Variants in RMST observed in about 807,000 individuals in gnomAD.
RMST encodes the protein long intergenic non-protein coding RNA 54.
intron 11 of RMST, among the ~76,000 whole-genome samples, chr12:97,550,291 C>A (rs1883218973): frequency 6.6e-6 from 1 of 152,156 alleles, no homozygotes; most frequent in Non-Finnish European, 1.5e-5. Flanking sequence ...ACTTGGGAGA[C>A]TGAGGCAGGA....
At chr12:97,511,433 G>A (rs1181021310) in intron 10 of RMST, among the ~76,000 whole-genome samples, 2 of 152,160 alleles carry the variant, frequency 1.3e-5, no homozygotes, top group African/African-American at 2.4e-5. Context: ...ACTGTGGCCT[G>A]TACTTCTCTT....
At chr12:97,488,719 C>T (rs74866068) in intron 5 of RMST, among the ~76,000 whole-genome samples, 11,571 of 152,154 alleles carry the variant, frequency 0.076, 663 homozygotes, top group Middle Eastern at 0.13. Context: ...GTGAAGGTGT[C>T]CATTTTAGAA....
At chr12:97,506,560 G>A (rs1878682221) in intron 10 of RMST, among the ~76,000 whole-genome samples, 3 of 151,236 alleles carry the variant, frequency 2.0e-5, no homozygotes, top group African/African-American at 7.3e-5. Context: ...AGACAAAGTA[G>A]AGAAAATTTA....
At chr12:97,544,545 G>T (rs1055834529) in intron 11 of RMST, among the ~76,000 whole-genome samples, 1 of 152,018 alleles carries the variant, frequency 6.6e-6, no homozygotes, top group Non-Finnish European at 1.5e-5. Flanking sequence ...ATTTTCAGGG[G>T]TGTATTTGTG....
At chr12:97,482,461 T>C (rs1055076996) in intron 5 of RMST, among the ~76,000 whole-genome samples, 2 of 151,968 alleles carry the variant, frequency 1.3e-5, no homozygotes, top group African/African-American at 4.8e-5. Context: ...CATTAGTAAC[T>C]TTTTTTGTTT....
chr12:97,559,205 C>T (rs1824330911), intron 11 of RMST, among the ~76,000 whole-genome samples: 1 of 152,040 alleles, frequency 6.6e-6, no homozygotes, highest in Admixed American at 6.6e-5. Context: ...GCATAAGGCC[C>T]TTTTGATTTC....
chr12:97,484,814 C>G (rs1446714533), intron 5 of RMST, among the ~76,000 whole-genome samples: 9 of 152,184 alleles, frequency 5.9e-5, no homozygotes, highest in African/African-American at 1.7e-4. Context: ...TTTACAGAGT[C>G]TTCCTTAGCT....
intron 5 of RMST, chr12:97,465,826 A>C (rs1873118927): frequency 2.0e-5 from 3 of 152,102 alleles, no homozygotes; most frequent in African/African-American, 7.2e-5. Context: ...AATTATTTAA[A>C]ATTTGATTTT....
chr12:97,559,911 C>A (rs1884001116), intron 11 of RMST, among the ~76,000 whole-genome samples: 1 of 151,962 alleles, frequency 6.6e-6, no homozygotes, highest in Admixed American at 6.6e-5. Flanking sequence ...TAATAAGATG[C>A]CTGGAAAGCC....
At chr12:97,487,346 A>T (rs1462875499) in intron 5 of RMST, among the ~76,000 whole-genome samples, 5 of 152,178 alleles carry the variant, frequency 3.3e-5, no homozygotes, top group Non-Finnish European at 5.9e-5. Flanking sequence ...TTTCCATTTG[A>T]TATTTGGAGA....
intron 10 of RMST, among the ~76,000 whole-genome samples, chr12:97,512,368 G>A (rs1266768866): frequency 1.3e-5 from 2 of 152,118 alleles, no homozygotes; most frequent in Admixed American, 6.5e-5. Flanking sequence ...AGCGTGTAAG[G>A]GGACCCGAGC....
chr12:97,560,063 C>T (rs1361911782), intron 11 of RMST, among the ~76,000 whole-genome samples: 4 of 152,042 alleles, frequency 2.6e-5, no homozygotes, highest in Middle Eastern at 3.2e-3. Context: ...TTGCTTTTCC[C>T]ATGTGCTATT....
chr12:97,475,816 T>A (rs763074164), intron 5 of RMST, among the ~76,000 whole-genome samples: 11 of 152,182 alleles, frequency 7.2e-5, no homozygotes, highest in Non-Finnish European at 1.5e-4. Context: ...CAAAAATATA[T>A]ACATAATAAA....
intron 10 of RMST, among the ~76,000 whole-genome samples, chr12:97,526,625 T>C (rs1379771232): frequency 6.6e-6 from 1 of 152,190 alleles, no homozygotes; most frequent in Non-Finnish European, 1.5e-5. Context: ...GTAATAATAA[T>C]AATTGAAAAT....
intron 5 of RMST, among the ~76,000 whole-genome samples, chr12:97,476,909 A>G (rs1288629916): frequency 1.3e-5 from 2 of 152,174 alleles, no homozygotes; most frequent in African/African-American, 4.8e-5. Flanking sequence ...GAATGGAGGA[A>G]AGAATGGTGT....
At chr12:97,488,862 T>C (rs1005149374) in intron 5 of RMST, among the ~76,000 whole-genome samples, 1 of 152,206 alleles carries the variant, frequency 6.6e-6, no homozygotes, top group African/African-American at 2.4e-5. Flanking sequence ...TGGAAATTTC[T>C]ATTTTATGCT....
In RMST at chr12:97,530,276, C is replaced by A. The variant is rs1055651145; in HGVS notation, n.1341-379C>A. 10 of 152,168 alleles carry A rather than the reference C, an allele frequency of 6.6e-5. No individual in the cohort carries two copies. In the East Asian group the frequency reaches 1.9e-3, roughly 29 times the overall value. The allele number at this position is 152,168 out of a possible 1,614,324, so 9.4% of individuals were successfully genotyped here. Reference sequence around the variant, plus strand: ...GTAGCCTTAACATTGGGATTGCAGTCCTCCCTGTTGCAACTTAGCACATAC... The same window carrying A: ...GTAGCCTTAACATTGGGATTGCAGTACTCCCTGTTGCAACTTAGCACATAC... On this transcript the variant is annotated intron_variant and non_coding_transcript_variant, in intron 10 of 13. Coordinates refer to ENST00000640149, the Ensembl canonical transcript of RMST.
intron 11 of RMST, among the ~76,000 whole-genome samples, chr12:97,548,516 G>GCTGT (rs1883096950): frequency 2.0e-5 from 3 of 151,460 alleles, no homozygotes; most frequent in Non-Finnish European, 2.9e-5. Flanking sequence ...ATGAACATGG[G>GCTGT]CTATTTTAAT....
chr12:97,471,590 G>A (rs970325006), intron 5 of RMST, among the ~76,000 whole-genome samples: 4 of 151,118 alleles, frequency 2.6e-5, no homozygotes, highest in Non-Finnish European at 5.9e-5. Context: ...AAAATGCAGA[G>A]GATGAGCTGG....
Sources: allele counts gnomAD v4.1 joint callset (sites outside exome capture counted in the v4.1 genomes callset), GRCh38; gene constraint gnomAD v4.1.1; transcripts MANE v1.5; gene names NCBI Gene and HGNC (gene_info 2026-07-23, HGNC 2026-07-21).